CFAP61: variants seen among roughly 807,000 people sequenced by gnomAD.
The protein encoded by CFAP61 is cilia and flagella associated protein 61.
In CFAP61, 107 loss-of-function variants were observed where a neutral mutation model predicts 135.6. The ratio of observed to expected loss-of-function variants is 0.79; its 90% CI spans 0.67 to 0.93. The LOEUF is 0.93. CFAP61 is among the 40% of genes least tolerant of loss of function. The probability of loss-of-function intolerance (pLI) is 0.00; values close to 1 mark genes in which losing one functional copy is unlikely to be tolerated. For synonymous variants in CFAP61, 575 were observed against 578.5 expected (o/e 0.99, Z 0.09); for missense variants, 1,507 against 1,556.2 (o/e 0.97, Z 0.53).
chr20:20,102,730 C>T (rs538695902), intron 8 of CFAP61, among the ~76,000 whole-genome samples: 1 of 152,188 alleles, frequency 6.6e-6, no homozygotes, highest in Non-Finnish European at 1.5e-5. Flanking sequence ...TTCCCTGTCT[C>T]TTTCCTCACT....
At chr20:20,212,763 C>G (rs1279574656) in intron 17 of CFAP61, among the ~76,000 whole-genome samples, 1 of 152,204 alleles carries the variant, frequency 6.6e-6, no homozygotes, top group Non-Finnish European at 1.5e-5. Context: ...AGGGCCTGTT[C>G]TGCTTCGCTG....
At chr20:20,067,196 G>A (rs781160963) in intron 2 of CFAP61, among the ~76,000 whole-genome samples, 13 of 152,172 alleles carry the variant, frequency 8.5e-5, no homozygotes, top group Non-Finnish European at 1.5e-4. Context: ...GATTTGGTGT[G>A]ACATACGTGT....
At chr20:20,070,236 A>G (rs1003170852) in intron 2 of CFAP61, among the ~76,000 whole-genome samples, 1 of 152,104 alleles carries the variant, frequency 6.6e-6, no homozygotes, top group Non-Finnish European at 1.5e-5. Flanking sequence ...GGGAGTCCCC[A>G]TTTCTGCAGC....
At chr20:20,182,817 T>G (rs963968527) in intron 13 of CFAP61, among the ~76,000 whole-genome samples, 3 of 152,216 alleles carry the variant, frequency 2.0e-5, no homozygotes, top group Non-Finnish European at 4.4e-5. Context: ...TGAGAATGCT[T>G]TATTAGGCAA....
intron 17 of CFAP61, among the ~76,000 whole-genome samples, chr20:20,222,502 T>C (rs1025507304): frequency 1.6e-4 from 24 of 152,190 alleles, no homozygotes; most frequent in Admixed American, 1.3e-3. Context: ...TTTTCCGAAG[T>C]GCTGGAGCTA....
At chr20:20,054,426 T>C (rs6081851) in intron 1 of CFAP61, among the ~76,000 whole-genome samples, 17 of 138,138 alleles carry the variant, frequency 1.2e-4, no homozygotes, top group South Asian at 7.0e-4. Context: ...CACACACACA[T>C]ACATACACAT....
chr20:20,237,479 G>A (rs1786089851), intron 18 of CFAP61, among the ~76,000 whole-genome samples: 1 of 152,098 alleles, frequency 6.6e-6, no homozygotes, highest in Admixed American at 6.5e-5. Context: ...CTCACCCCAC[G>A]AACTGCCCAC....
intron 17 of CFAP61, among the ~76,000 whole-genome samples, chr20:20,208,444 T>C (rs1305998859): frequency 3.3e-5 from 5 of 152,208 alleles, no homozygotes; most frequent in Admixed American, 6.5e-5. Flanking sequence ...GACCCGCTGC[T>C]GAAGCCTGCA....
chr20:20,093,530 G>T (rs1284566918), intron 7 of CFAP61, among the ~76,000 whole-genome samples: 2 of 151,134 alleles, frequency 1.3e-5, no homozygotes, highest in Admixed American at 1.3e-4. Flanking sequence ...CACCTCCCGG[G>T]TTCAAGTGAT....
intron 6 of CFAP61, among the ~76,000 whole-genome samples, chr20:20,088,502 A>G (rs1223407479): frequency 2.0e-5 from 3 of 152,120 alleles, no homozygotes; most frequent in Admixed American, 6.5e-5. Flanking sequence ...TAAAACCATC[A>G]TATCTCCTGA....
chr20:20,346,568 C>T (rs2058644675), intron 26 of CFAP61, among the ~76,000 whole-genome samples: 1 of 151,092 alleles, frequency 6.6e-6, no homozygotes, highest in African/African-American at 2.4e-5. Context: ...AAAGCAAACT[C>T]ATTCCAAGAT....
rs1214378203 is a variant in CFAP61 at position 20,146,315 on chromosome 20, A to G, written c.951+3367A>G. Among the ~76,000 whole-genome samples, 3 of 152,216 alleles carry G rather than the reference A, an allele frequency of 2.0e-5. No individual in the cohort carries two copies. In the East Asian group the frequency reaches 5.8e-4, roughly 29 times the overall value. ...ATGTAAAATCCATTGAGGAGTGAGA[A>G]TGGGACCTCTCAATAAACTAGAATG... On this transcript the variant is annotated intron_variant, in intron 9 of 26. Coordinates refer to ENST00000245957, the MANE Select transcript of CFAP61 (RefSeq NM_015585.4).
At chr20:20,078,303 G>A (rs1249118190) in intron 6 of CFAP61, among the ~76,000 whole-genome samples, 1 of 152,160 alleles carries the variant, frequency 6.6e-6, no homozygotes, top group Non-Finnish European at 1.5e-5. Flanking sequence ...TTGGTTTGGG[G>A]GAGCTTAGAA....
chr20:20,208,693 A>G (rs2056969478), intron 17 of CFAP61, among the ~76,000 whole-genome samples: 1 of 152,376 alleles, frequency 6.6e-6, no homozygotes, highest in South Asian at 2.1e-4. Flanking sequence ...AGGAGATGCC[A>G]TCCTCTAGCT....
chr20:20,187,838 A>G lies in CFAP61; in HGVS notation c.1386-92A>G. On this transcript the variant is annotated intron_variant, in intron 13 of 26. Coordinates refer to ENST00000245957, the MANE Select transcript of CFAP61 (RefSeq NM_015585.4). ...AACATACTTTACTGGATATTATTTT[A>G]TATAAGTGTGATATATTACAATTCT... is the stretch of plus-strand genomic sequence containing the variant. 4 of 947,160 alleles carry G rather than the reference A, an allele frequency of 4.2e-6. No homozygotes were observed. In the South Asian group the frequency reaches 6.3e-5, roughly 15 times the overall value. 58.7% of individuals were successfully genotyped at this position (947,160 alleles called of 1,614,324 possible). A position where few individuals can be genotyped will look rare whatever the true frequency, so the allele number is the denominator to read the frequency against.
At chr20:20,358,363 G>T (rs1426570888) in intron 26 of CFAP61, among the ~76,000 whole-genome samples, 1 of 152,182 alleles carries the variant, frequency 6.6e-6, no homozygotes, top group Non-Finnish European at 1.5e-5. Context: ...TTATAATCTA[G>T]AGCAATATTT....
chr20:20,259,243 ATCTT>A (rs2051942605), intron 20 of CFAP61, among the ~76,000 whole-genome samples: 2 of 120,896 alleles, frequency 1.7e-5, no homozygotes, highest in East Asian at 2.7e-4. Flanking sequence ...AGGCCCTTCC[ATCTT>A]TTTTTTTTTT....
intron 8 of CFAP61, among the ~76,000 whole-genome samples, chr20:20,121,959 A>T: frequency 2.0e-5 from 3 of 147,538 alleles, no homozygotes; most frequent in African/African-American, 2.5e-5. Context: ...CTTTTTAAAA[A>T]TTTTTCCGTA....
intron 9 of CFAP61, among the ~76,000 whole-genome samples, chr20:20,150,952 G>A (rs1487901693): frequency 6.6e-6 from 1 of 152,108 alleles, no homozygotes; most frequent in Non-Finnish European, 1.5e-5. Context: ...CTACCCAAAT[G>A]AGAAGGAACC....
Sources: gnomAD v4.1 joint callset for allele counts (sites outside exome capture counted in the v4.1 genomes callset) on GRCh38, gnomAD v4.1.1 for gene constraint, MANE v1.5 for transcripts, NCBI Gene and HGNC (gene_info 2026-07-23, HGNC 2026-07-21) for gene names.